The following SVOPL variants were observed in gnomAD, a reference collection of about 807,000 sequenced individuals.
SVOPL encodes SVOP like.
A neutral mutation model predicts 61.0 loss-of-function variants in SVOPL; 60 were observed. The ratio of observed to expected loss-of-function variants is 0.98; its 90% CI spans 0.80 to 1.22. SVOPL has a LOEUF of 1.22. Among genes scored for constraint, SVOPL ranks in the 50% most tolerant of loss-of-function variants. The pLI is 0.00. For missense variants in SVOPL, 662 were observed against 643.9 expected, an observed-to-expected ratio of 1.03 and a Z score of -0.30; for synonymous variants, 279 against 250.0, an observed-to-expected ratio of 1.12 and a Z score of -1.09.
intron 14 of SVOPL, among the ~76,000 whole-genome samples, chr7:138,612,600 C>T (rs1226202764): frequency 4.6e-5 from 7 of 151,634 alleles, no homozygotes; most frequent in South Asian, 4.2e-4. Flanking sequence ...ACTGCACCTC[C>T]GCCTCCCAGG....
chr7:138,632,660 G>A (rs770135884), intron 9 of SVOPL, among the ~76,000 whole-genome samples: 1 of 151,592 alleles, frequency 6.6e-6, no homozygotes, highest in Non-Finnish European at 1.5e-5. Flanking sequence ...CCAGACAGGG[G>A]AGCCAGGGTG....
intron 1 of SVOPL, among the ~76,000 whole-genome samples, chr7:138,694,681 T>G (rs17160472): frequency 0.078 from 11,819 of 152,266 alleles, 917 homozygotes; most frequent in African/African-American, 0.2. Flanking sequence ...AGGCTATTGA[T>G]TGTTGAACTG....
intron 4 of SVOPL, chr7:138,664,200 C>CCCCAA: frequency 1.0e-6 from 1 of 981,332 alleles, no homozygotes; most frequent in Non-Finnish European, 1.2e-6. Flanking sequence ...CCCCCTCCCC[C>CCCCAA]ACCTTCTACC....
intron 1 of SVOPL, among the ~76,000 whole-genome samples, chr7:138,686,405 CAA>C (rs200553829): frequency 1.1e-3 from 99 of 88,694 alleles, no homozygotes; most frequent in African/African-American, 2.1e-3. Flanking sequence ...GACTCCGCCT[CAA>C]AAAAAAAAAA....
chr7:138,628,351 A>G lies in SVOPL; in HGVS notation c.876T>C (p.Ser292=). 6.2e-7 allele frequency: 1 copy of G among 1,614,140 alleles called. No homozygotes were observed. The highest frequency in any genetic ancestry group is 2.2e-5 in the East Asian group (1 of 44,886). ...CCAGGATAACCCCATAGTAGGCAAA[A>G]GAGATTCCAAGCCTGGAAGAGAGAA... ...LQIWVIWLGI[S]FAYYGVILAS... The change falls in exon 11 of 16, where the codon TCT becomes TCC. Residue 292 remains serine, a synonymous_variant. Transcript: ENST00000674285.
intron 3 of SVOPL, among the ~76,000 whole-genome samples, chr7:138,672,765 A>G (rs1243374643): frequency 6.6e-6 from 1 of 151,986 alleles, no homozygotes; most frequent in Non-Finnish European, 1.5e-5. Context: ...TGCTGAGATT[A>G]CAGGCATGAG....
At chr7:138,648,575 G>A (rs1458404282) in intron 8 of SVOPL, among the ~76,000 whole-genome samples, 2 of 151,766 alleles carry the variant, frequency 1.3e-5, no homozygotes, top group Non-Finnish European at 2.9e-5. Flanking sequence ...AGGCGCGGTG[G>A]TGGGCGCCTG....
At chr7:138,678,655 T>C (rs1176520534) in intron 2 of SVOPL, 130 bp from the exon 3 acceptor site, 1 of 836,370 alleles carries the variant, frequency 1.2e-6, no homozygotes, top group African/African-American at 1.7e-5. Flanking sequence ...GTAGGCAACC[T>C]CTGCCTACTG....
intron 14 of SVOPL, among the ~76,000 whole-genome samples, chr7:138,606,344 G>C (rs1798757525): frequency 6.6e-6 from 1 of 151,980 alleles, no homozygotes; most frequent in Non-Finnish European, 1.5e-5. Flanking sequence ...TGTGGAGAGG[G>C]GACCCAGAAG....
chr7:138,622,234 G>GTATC (rs112468403), intron 13 of SVOPL, among the ~76,000 whole-genome samples: 22 of 37,338 alleles, frequency 5.9e-4, no homozygotes, highest in South Asian at 2.0e-3. Flanking sequence ...ATCTATCTAT[G>GTATC]TATCTATCTA....
At chr7:138,639,444 T>C (rs1011030540) in intron 9 of SVOPL, among the ~76,000 whole-genome samples, 2 of 150,914 alleles carry the variant, frequency 1.3e-5, no homozygotes, top group Non-Finnish European at 2.9e-5. Flanking sequence ...CTGGCCAACA[T>C]TGTGAAACCC....
Position 138,644,712 on chromosome 7 carries a change from C to T in SVOPL, c.789+5G>A, listed in dbSNP as rs1263782574. The T allele has an allele frequency of 7.4e-6, 12 of 1,613,870 alleles. No homozygotes were observed. Among genetic ancestry groups the T allele is most frequent in the Non-Finnish European group, 9.3e-6 (11 of 1,179,920 alleles). ...TAGGAGAAGACCTCGGGGGCCAGCA[C>T]TCACCAGGACGGGCTCCACCAGCTT... On this transcript the variant is annotated splice_donor_5th_base_variant and intron_variant, in intron 9 of 15. Coordinates refer to ENST00000674285, the MANE Select transcript of SVOPL (RefSeq NM_001139456.2).
At chr7:138,597,953 C>T (rs1393560070) in intron 14 of SVOPL, among the ~76,000 whole-genome samples, 1 of 152,140 alleles carries the variant, frequency 6.6e-6, no homozygotes, top group African/African-American at 2.4e-5. Context: ...CAGCCAGGGT[C>T]AGGGAGAGTA....
intron 1 of SVOPL, among the ~76,000 whole-genome samples, chr7:138,682,221 T>C (rs1362238264): frequency 6.6e-6 from 1 of 152,092 alleles, no homozygotes; most frequent in African/African-American, 2.4e-5. Flanking sequence ...TTGTAAACTA[T>C]GAGGTGAAAG....
chr7:138,695,928 G>A (rs1159762723), intron 1 of SVOPL, among the ~76,000 whole-genome samples: 3 of 151,870 alleles, frequency 2.0e-5, no homozygotes, highest in Non-Finnish European at 4.4e-5. Flanking sequence ...GACTACAGGT[G>A]TGTGCCACCA....
At chr7:138,671,069 G>A (rs1802403251) in intron 4 of SVOPL, among the ~76,000 whole-genome samples, 1 of 152,148 alleles carries the variant, frequency 6.6e-6, no homozygotes, top group Non-Finnish European at 1.5e-5. Context: ...ACTGTAATAT[G>A]TATTTGTATC....
At chr7:138,615,417 C>T (rs1312765211) in intron 14 of SVOPL, among the ~76,000 whole-genome samples, 1 of 151,890 alleles carries the variant, frequency 6.6e-6, no homozygotes, top group Non-Finnish European at 1.5e-5. Context: ...ATTAGCCGGG[C>T]GTGGTGGCGG....
At chr7:138,666,674 C>T (rs143658700) in intron 4 of SVOPL, among the ~76,000 whole-genome samples, 1 of 152,302 alleles carries the variant, frequency 6.6e-6, no homozygotes, top group East Asian at 1.9e-4. Context: ...GCAGCTTATA[C>T]AGAGAGTGCA....
chr7:138,663,603 A>T (rs564382772), intron 4 of SVOPL: 3 of 989,198 alleles, frequency 3.0e-6, no homozygotes, highest in African/African-American at 3.5e-5. Context: ...CAGAACATTC[A>T]TAAGTCCTAA....
Sources: allele counts gnomAD v4.1 joint callset (sites outside exome capture counted in the v4.1 genomes callset), GRCh38; gene constraint gnomAD v4.1.1; transcripts MANE v1.5; gene names NCBI Gene and HGNC (gene_info 2026-07-23, HGNC 2026-07-21).